DAB1: variants seen among roughly 807,000 people sequenced by gnomAD.
DAB1 encodes disabled homolog 1.
DAB1 carries 15 observed loss-of-function variants against 64.6 expected under a neutral mutation model. The ratio of observed to expected loss-of-function variants is 0.23; its 90% CI spans 0.16 to 0.36. The LOEUF (loss-of-function observed/expected upper bound fraction) is 0.36. Ranked by LOEUF, DAB1 falls within the 10% of genes least tolerant of loss-of-function variation. DAB1 has a pLI of 1.00. For missense variants in DAB1, 596 were observed against 706.7 expected (o/e 0.84, Z 1.78); for synonymous variants, 235 against 251.9 (o/e 0.93, Z 0.64).
At chr1:57,540,726 T>C (rs1281482620) in intron 7 of DAB1, among the ~76,000 whole-genome samples, 1 of 152,148 alleles carries the variant, frequency 6.6e-6, no homozygotes, top group Non-Finnish European at 1.5e-5. Context: ...GAAAGACAAA[T>C]ATCACAAGTT....
chr1:57,634,048 A>T, intron 7 of DAB1, among the ~76,000 whole-genome samples: 1 of 152,246 alleles, frequency 6.6e-6, no homozygotes, highest in Non-Finnish European at 1.5e-5. Context: ...GGGTTAATCT[A>T]GGCAGTTAGT....
chr1:58,538,726 A>T, intron 1 of DAB1: 1 of 653,400 alleles, frequency 1.5e-6, no homozygotes, highest in Non-Finnish European at 2.6e-6. Context: ...TCTAAAAGTT[A>T]ATACGTTAGC....
intron 5 of DAB1, among the ~76,000 whole-genome samples, chr1:57,919,128 C>T (rs1557555984): frequency 6.6e-6 from 1 of 152,154 alleles, no homozygotes; most frequent in Non-Finnish European, 1.5e-5. Context: ...GAATATGCCC[C>T]CTTACTCTCC....
chr1:57,604,403 TA>T (rs1242771492), intron 7 of DAB1, among the ~76,000 whole-genome samples: 1 of 116,416 alleles, frequency 8.6e-6, no homozygotes, highest in East Asian at 2.7e-4. Flanking sequence ...TGTTTTATTA[TA>T]AAAGAAAAAA....
At chr1:58,220,872 T>TATAC (rs1553168382) in intron 4 of DAB1, among the ~76,000 whole-genome samples, 7 of 146,824 alleles carry the variant, frequency 4.8e-5, no homozygotes, top group South Asian at 4.3e-4. Context: ...TATACATATA[T>TATAC]ACACACACAC....
chr1:57,631,079 A>G (rs1309275696), intron 7 of DAB1, among the ~76,000 whole-genome samples: 1 of 152,216 alleles, frequency 6.6e-6, no homozygotes, highest in Non-Finnish European at 1.5e-5. Context: ...ACATGATAAA[A>G]ATACAGAAGA....
rs567588645 is a variant in DAB1 at position 58,227,978 on chromosome 1, G to A, written n.310-77390C>T. ...AGATCACATACCTGATGTAGACATC[G>A]TTGCTTTAAAAACAGACCAAGAAAG... On this transcript the variant is annotated intron_variant and non_coding_transcript_variant, in intron 4 of 20. Coordinates refer to the DAB1 transcript ENST00000485760. 4.8e-4 allele frequency among the ~76,000 whole-genome samples: 73 copies of A among 152,282 alleles called. 1 individual carries two copies. The highest frequency in any genetic ancestry group is 4.6e-3 in the Admixed American group (71 of 15,302).
chr1:57,000,392 G>A (rs745976740), intron 14 of DAB1, among the ~76,000 whole-genome samples: 19 of 152,112 alleles, frequency 1.2e-4, no homozygotes, highest in Non-Finnish European at 2.4e-4. Context: ...GGTCCTCAAT[G>A]AGAGTCTGTT....
chr1:58,088,091 G>A (rs1000837408), intron 5 of DAB1, among the ~76,000 whole-genome samples: 1 of 152,168 alleles, frequency 6.6e-6, no homozygotes, highest in Non-Finnish European at 1.5e-5. Context: ...ACTATGCTAA[G>A]GACATCCAGA....
intron 4 of DAB1, among the ~76,000 whole-genome samples, chr1:58,334,805 G>A (rs1036789859): frequency 5.3e-5 from 8 of 151,866 alleles, no homozygotes. Context: ...GCACAGAGTA[G>A]TGTATTAGTA....
At chr1:57,225,896 T>TA (rs1667226263) in intron 2 of DAB1, among the ~76,000 whole-genome samples, 1 of 152,056 alleles carries the variant, frequency 6.6e-6, no homozygotes, top group Non-Finnish European at 1.5e-5. Flanking sequence ...AATAATAATG[T>TA]AAAAAAATTT....
At chr1:57,457,695 T>C (rs527483784) in intron 7 of DAB1, among the ~76,000 whole-genome samples, 4 of 152,156 alleles carry the variant, frequency 2.6e-5, no homozygotes, top group Non-Finnish European at 4.4e-5. Flanking sequence ...GAACTGACAC[T>C]GGGAACAATG....
Position 57,330,682 on chromosome 1 carries a change from T to A in DAB1, c.-136-39516A>T, listed in dbSNP as rs548636496. ...GCTTCTTGAGAGCAGGGGTTGTATG[T>A]CACTCCTCATTGTGTCCCCGGTGCC... is the stretch of plus-strand genomic sequence containing the variant. On this transcript the variant is annotated intron_variant, in intron 1 of 14. Transcript: ENST00000371236. Among the ~76,000 whole-genome samples, 13 of 152,264 alleles carry A rather than the reference T, an allele frequency of 8.5e-5. 1 individual carries two copies. The South Asian group carries it at 2.3e-3, about 27-fold the overall frequency.
chr1:57,001,689 A>G (rs1645874508), intron 14 of DAB1, among the ~76,000 whole-genome samples: 1 of 151,936 alleles, frequency 6.6e-6, no homozygotes, highest in African/African-American at 2.4e-5. Context: ...CCTACACCCT[A>G]CCTTCCAAAC....
intron 4 of DAB1, among the ~76,000 whole-genome samples, chr1:58,333,250 T>A (rs1663017301): frequency 6.6e-6 from 1 of 152,030 alleles, no homozygotes. Context: ...GTGCGCCCAC[T>A]CATGGACCAA....
At chr1:57,199,585 A>G (rs761672624) in intron 2 of DAB1, among the ~76,000 whole-genome samples, 3 of 152,258 alleles carry the variant, frequency 2.0e-5, no homozygotes, top group African/African-American at 4.8e-5. Flanking sequence ...TTCTGGTACA[A>G]GAACAATTCT....
intron 5 of DAB1, among the ~76,000 whole-genome samples, chr1:57,986,970 A>T (rs1380041568): frequency 6.6e-6 from 1 of 152,230 alleles, no homozygotes; most frequent in South Asian, 2.1e-4. Flanking sequence ...CAGAGACTTT[A>T]AATGAATTGT....
At chr1:58,410,679 G>GC (rs1314371430) in intron 3 of DAB1, among the ~76,000 whole-genome samples, 1 of 152,096 alleles carries the variant, frequency 6.6e-6, no homozygotes, top group Non-Finnish European at 1.5e-5. Context: ...ATGCTGTGAT[G>GC]CCCCCCTAAT....
chr1:57,945,881 T>C (rs1260167196), intron 5 of DAB1, among the ~76,000 whole-genome samples: 2 of 152,230 alleles, frequency 1.3e-5, no homozygotes, highest in East Asian at 1.9e-4. Flanking sequence ...GCCCAGCACA[T>C]GGTTGACACT....
Sources: gnomAD v4.1 joint callset for allele counts (sites outside exome capture counted in the v4.1 genomes callset) on GRCh38, gnomAD v4.1.1 for gene constraint, MANE v1.5 for transcripts, NCBI Gene and HGNC (gene_info 2026-07-23, HGNC 2026-07-21) for gene names.